DACH2: variants seen among roughly 807,000 people sequenced by gnomAD.
DACH2 encodes dachshund family transcription factor 2.
DACH2 carries 17 observed loss-of-function variants against 35.8 expected under a neutral mutation model. The ratio of observed to expected loss-of-function variants is 0.48; its 90% confidence interval spans 0.33 to 0.71. The LOEUF is 0.71. Among genes scored for constraint, DACH2 ranks in the 30% least tolerant of loss-of-function variants. DACH2 has a pLI of 0.02. For synonymous variants in DACH2, 195 were observed against 177.3 expected, an observed-to-expected ratio of 1.10 and a Z score of -0.79; for missense variants, 469 against 472.7, an observed-to-expected ratio of 0.99 and a Z score of 0.07.
intron 1 of DACH2, among the ~76,000 whole-genome samples, chrX:86,188,059 C>G (rs909282710): frequency 8.9e-6 from 1 of 111,874 alleles, no homozygotes; most frequent in South Asian, 3.7e-4. Context: ...CGGATAGCCT[C>G]TTTAACCCCT....
intron 1 of DACH2, among the ~76,000 whole-genome samples, chrX:86,297,219 T>G (rs1024146825): frequency 3.6e-5 from 4 of 110,162 alleles, no homozygotes; most frequent in Non-Finnish European, 5.7e-5. Flanking sequence ...GGACATTCTT[T>G]TGGGCATTCT....
At chrX:86,370,111 C>A (rs2035864465) in intron 1 of DACH2, among the ~76,000 whole-genome samples, 1 of 111,221 alleles carries the variant, frequency 9.0e-6, no homozygotes, top group Admixed American at 9.6e-5. Flanking sequence ...CCTACTATCT[C>A]ATGGAGTTTA....
intron 1 of DACH2, among the ~76,000 whole-genome samples, chrX:86,369,061 G>A (rs994686014): frequency 2.1e-4 from 23 of 110,193 alleles, no homozygotes; most frequent in Admixed American, 2.9e-4. Context: ...TTACTTTTGC[G>A]CACAAAATAG....
intron 3 of DACH2, among the ~76,000 whole-genome samples, chrX:86,605,661 T>C (rs975931413): frequency 2.7e-5 from 3 of 111,240 alleles, no homozygotes; most frequent in Non-Finnish European, 5.7e-5. Flanking sequence ...TCTCTCTTGT[T>C]TTTCTTATTC....
At chrX:86,430,650 G>T (rs1471368505) in intron 2 of DACH2, among the ~76,000 whole-genome samples, 1 of 112,154 alleles carries the variant, frequency 8.9e-6, no homozygotes, top group Non-Finnish European at 1.9e-5. Flanking sequence ...ATTTCCTACA[G>T]CCAGTTGAAA....
chrX:86,397,280 G>A (rs868536694), intron 2 of DACH2, among the ~76,000 whole-genome samples: 2 of 111,714 alleles, frequency 1.8e-5, no homozygotes, highest in African/African-American at 6.5e-5. Context: ...TCAGCTTAAG[G>A]AGATTTTGGG....
intron 1 of DACH2, among the ~76,000 whole-genome samples, chrX:86,159,831 T>C (rs1171368348): frequency 9.0e-6 from 1 of 111,591 alleles, no homozygotes; most frequent in East Asian, 2.8e-4. Flanking sequence ...TAAAATAACA[T>C]TGATTTGGCT....
chrX:86,293,962 T>C (rs2034375598), intron 1 of DACH2, among the ~76,000 whole-genome samples: 1 of 111,673 alleles, frequency 9.0e-6, no homozygotes, highest in East Asian at 2.8e-4. Flanking sequence ...TGAATCTGAA[T>C]GTTAGCCTGC....
intron 2 of DACH2, among the ~76,000 whole-genome samples, chrX:86,398,106 T>G (rs1042112243): frequency 8.0e-5 from 9 of 112,047 alleles, no homozygotes; most frequent in Admixed American, 2.8e-4. Context: ...TTCTTCCTGG[T>G]TTAGTCTTCG....
intron 2 of DACH2, among the ~76,000 whole-genome samples, chrX:86,408,756 C>T (rs1306839644): frequency 1.8e-5 from 2 of 111,262 alleles, no homozygotes; most frequent in Non-Finnish European, 3.8e-5. Context: ...CACAGGACAC[C>T]CCTTGAGTCA....
intron 1 of DACH2, among the ~76,000 whole-genome samples, chrX:86,338,620 G>A (rs1175325696): frequency 8.9e-6 from 1 of 111,906 alleles, no homozygotes; most frequent in Non-Finnish European, 1.9e-5. Flanking sequence ...AAGCAGGAAA[G>A]ATCGGAAATC....
At chrX:86,667,110 G>A (rs1421585971) in intron 4 of DACH2, among the ~76,000 whole-genome samples, 4 of 89,413 alleles carry the variant, frequency 4.5e-5, no homozygotes, top group Non-Finnish European at 8.6e-5. Context: ...AAAAAAATTA[G>A]CCTGGCGTGG....
chrX:86,520,656 A>C, intron 3 of DACH2, among the ~76,000 whole-genome samples: 1 of 111,569 alleles, frequency 9.0e-6, no homozygotes, highest in South Asian at 3.7e-4. Flanking sequence ...CCATTATGTA[A>C]TGCCCCTTCT....
At chrX:86,804,549 A>G (rs1038090709) in intron 7 of DACH2, among the ~76,000 whole-genome samples, 3 of 112,074 alleles carry the variant, frequency 2.7e-5, no homozygotes, top group Admixed American at 9.4e-5. Context: ...CCTTCCCAAC[A>G]GTACCCCAAA....
chrX:86,220,978 AC>A (rs2032697196), intron 1 of DACH2, among the ~76,000 whole-genome samples: 1 of 111,101 alleles, frequency 9.0e-6, no homozygotes, highest in Admixed American at 9.5e-5. Flanking sequence ...GATGTTGAAC[AC>A]CTTTTTATAT....
In DACH2 at chrX:86,155,877, G is replaced by A. The variant is rs2030528467; in HGVS notation, c.488+6769G>A. Among the ~76,000 whole-genome samples, 4 of 110,840 alleles carry A rather than the reference G, an allele frequency of 3.6e-5. No homozygotes were observed. The Admixed American group carries it at 3.8e-4, about 11-fold the overall frequency. ...TTCAGGAAAAATTGTATCTCCAGTG[G>A]TTAGGCTAATGTTGGATGTTTATGA... On this transcript the variant is annotated intron_variant, in intron 1 of 11. Coordinates refer to ENST00000373125, the MANE Select transcript of DACH2 (RefSeq NM_053281.3).
rs941980683 is a variant in DACH2 at position 86,347,406 on chromosome X, AGC to A, written c.489-29415_489-29414del. On this transcript the variant is annotated intron_variant, in intron 1 of 11. Coordinates refer to ENST00000373125, the MANE Select transcript of DACH2 (RefSeq NM_053281.3). ...GGGTGCACTTGCACACATACGCAAA[AGC>A]GCACACACACACACACCATTTCTAT... Among the ~76,000 whole-genome samples the A allele has an allele frequency of 9.4e-5, 4 of 42,508 alleles. No homozygotes were observed. The East Asian group carries it at 0.014, about 153-fold the overall frequency. 36.9% of individuals were successfully genotyped at this position (42,508 alleles called of 115,157 possible).
At chrX:86,658,580 C>T (rs1340464671) in intron 4 of DACH2, among the ~76,000 whole-genome samples, 3 of 111,118 alleles carry the variant, frequency 2.7e-5, no homozygotes, top group Non-Finnish European at 5.7e-5. Context: ...TCATTTAGCT[C>T]CAAATGAGAA....
At chrX:86,721,199 C>T (rs1354312357) in intron 6 of DACH2, among the ~76,000 whole-genome samples, 2 of 112,413 alleles carry the variant, frequency 1.8e-5, no homozygotes, top group African/African-American at 6.5e-5. Context: ...TTTGGCTTCT[C>T]ATTACGTATG....
Sources: gnomAD v4.1 joint callset for allele counts (sites outside exome capture counted in the v4.1 genomes callset) on GRCh38, gnomAD v4.1.1 for gene constraint, MANE v1.5 for transcripts, NCBI Gene and HGNC (gene_info 2026-07-23, HGNC 2026-07-21) for gene names.